Variants in FRAS1 observed in about 807,000 individuals in gnomAD.
FRAS1 encodes extracellular matrix organizing protein FRAS1.
A neutral mutation model predicts 435.2 loss-of-function variants in FRAS1; 290 were observed. The observed-to-expected ratio is 0.67, with a 90% CI of 0.61 to 0.73. The LOEUF (loss-of-function observed/expected upper bound fraction) is 0.73, where lower values mean the gene tolerates loss of function less well. Ranked by LOEUF, FRAS1 falls within the 30% of genes least tolerant of loss-of-function variation. FRAS1 has a pLI of 0.00. For missense variants in FRAS1, 4,860 were observed against 5,001.5 expected (o/e 0.97, Z 0.85); for synonymous variants, 1,800 against 1,851.0 (o/e 0.97, Z 0.71).
At chr4:78,394,807 TTAA>T (rs1732591762) in intron 29 of FRAS1, among the ~76,000 whole-genome samples, 1 of 152,050 alleles carries the variant, frequency 6.6e-6, no homozygotes, top group African/African-American at 2.4e-5. Context: ...TATGGACATT[TTAA>T]TAATATTAAT....
chr4:78,157,434 C>T (rs1172298715), intron 2 of FRAS1, among the ~76,000 whole-genome samples: 1 of 152,160 alleles, frequency 6.6e-6, no homozygotes, highest in Non-Finnish European at 1.5e-5. Flanking sequence ...ATTTACTTTT[C>T]CACCAACAGT....
chr4:78,467,189 CT>C (rs1320910646), intron 50 of FRAS1, among the ~76,000 whole-genome samples: 1 of 152,204 alleles, frequency 6.6e-6, no homozygotes, highest in Middle Eastern at 3.4e-3. Context: ...TTCATTCTAA[CT>C]TTTTTTTCTT....
At position 78,267,297 on chromosome 4, in the gene FRAS1, C is replaced by T. The variant is rs367758763; in HGVS notation, c.846C>T (p.Ala282=). The change falls in exon 9 of 74, where the codon GCC becomes GCT. Residue 282 remains alanine (A), a synonymous_variant. Coordinates refer to ENST00000512123, the MANE Select transcript of FRAS1 (RefSeq NM_025074.7). ...GCTGTGAGGAATGTGTGTCTCCTGC[C>T]GGGAGCTGCTCCTATGATGGAGTTG... ...GQCCEECVSP[A]GSCSYDGVVR... 39 of 1,613,636 alleles carry T rather than the reference C, an allele frequency of 2.4e-5. No homozygotes were observed. Among genetic ancestry groups the T allele is most frequent in the East Asian group, 6.7e-5 (3 of 44,868 alleles).
At chr4:78,445,151 A>C (rs112209231) in intron 41 of FRAS1, among the ~76,000 whole-genome samples, 5 of 152,348 alleles carry the variant, frequency 3.3e-5, no homozygotes, top group African/African-American at 1.2e-4. Context: ...GCTGGAGCTT[A>C]AGGTAGAATC....
chr4:78,165,175 A>G (rs377442485), intron 2 of FRAS1, among the ~76,000 whole-genome samples: 9 of 152,174 alleles, frequency 5.9e-5, no homozygotes, highest in African/African-American at 2.2e-4. Flanking sequence ...TGACCCAGTG[A>G]CCTTTGTTTA....
intron 2 of FRAS1, among the ~76,000 whole-genome samples, chr4:78,069,356 A>T (rs1740220772): frequency 6.6e-6 from 1 of 152,186 alleles, no homozygotes; most frequent in Admixed American, 6.5e-5. Context: ...GAGAGCATGG[A>T]TTTAGGCACT....
intron 2 of FRAS1, among the ~76,000 whole-genome samples, chr4:78,149,889 T>C (rs193052392): frequency 6.5e-4 from 99 of 152,216 alleles, no homozygotes; most frequent in Admixed American, 2.0e-3. Context: ...CCCTTCAACC[T>C]CTTGGCTGTG....
intron 2 of FRAS1, among the ~76,000 whole-genome samples, chr4:78,137,109 C>A (rs1360465927): frequency 6.6e-6 from 1 of 152,214 alleles, no homozygotes; most frequent in Non-Finnish European, 1.5e-5. Context: ...AAGAATCACC[C>A]ACCTGGGTGT....
chr4:78,307,337 C>T (rs562795397), intron 14 of FRAS1, among the ~76,000 whole-genome samples: 2 of 152,358 alleles, frequency 1.3e-5, no homozygotes, highest in East Asian at 1.9e-4. Context: ...GCCCTGCCCC[C>T]AGAGGTGGAG....
intron 58 of FRAS1, among the ~76,000 whole-genome samples, chr4:78,488,058 G>A (rs1476859421): frequency 6.6e-6 from 1 of 152,048 alleles, no homozygotes; most frequent in East Asian, 1.9e-4. Flanking sequence ...GCTTGAACCC[G>A]GGAGGTAGAG....
intron 40 of FRAS1, 38 bp downstream of exon 40, chr4:78,439,102 A>T (rs776494452): frequency 6.5e-7 from 1 of 1,539,810 alleles, no homozygotes; most frequent in Admixed American, 1.9e-5. Context: ...TGAGTACTAT[A>T]GAGAGCTGGA....
At chr4:78,481,775 C>T (rs1159535004) in intron 56 of FRAS1, 29 bp from the exon 57 acceptor site, 2 of 1,611,840 alleles carry the variant, frequency 1.2e-6, no homozygotes, top group Non-Finnish European at 1.7e-6. Flanking sequence ...CAAAGTTGAC[C>T]ATTAAAATCT....
chr4:78,496,348 T>C (rs1175234381), intron 59 of FRAS1, among the ~76,000 whole-genome samples: 1 of 152,208 alleles, frequency 6.6e-6, no homozygotes, highest in Non-Finnish European at 1.5e-5. Context: ...CCTTTCTGAT[T>C]TCTTTATAAG....
chr4:78,407,945 A>G, intron 31 of FRAS1, 104 bp downstream of exon 31: 1 of 975,296 alleles, frequency 1.0e-6, no homozygotes, highest in Non-Finnish European at 1.5e-6. Flanking sequence ...ACAGGAAATC[A>G]CATTTGGGGG....
intron 2 of FRAS1, among the ~76,000 whole-genome samples, chr4:78,077,125 G>T (rs753654422): frequency 1.3e-5 from 2 of 152,138 alleles, no homozygotes; most frequent in Non-Finnish European, 1.5e-5. Context: ...GATGAGGCAG[G>T]AGGACGCTTA....
At chr4:78,531,544 C>T (rs942690579) in intron 70 of FRAS1, among the ~76,000 whole-genome samples, 2 of 152,110 alleles carry the variant, frequency 1.3e-5, no homozygotes, top group African/African-American at 4.8e-5. Flanking sequence ...GAGTTTTTAG[C>T]ATAAAGGGCT....
At chr4:78,416,429 A>G (rs940408396) in intron 32 of FRAS1, among the ~76,000 whole-genome samples, 1 of 151,998 alleles carries the variant, frequency 6.6e-6, no homozygotes, top group Non-Finnish European at 1.5e-5. Context: ...CACTGAAAAA[A>G]TAGTTATGAT....
chr4:78,346,489 C>T (rs1730608983), intron 20 of FRAS1, among the ~76,000 whole-genome samples: 1 of 152,090 alleles, frequency 6.6e-6, no homozygotes, highest in African/African-American at 2.4e-5. Flanking sequence ...CTTCAGAGGG[C>T]ACATATATGA....
At chr4:78,368,904 A>G (rs956270212) in intron 22 of FRAS1, among the ~76,000 whole-genome samples, 1 of 152,150 alleles carries the variant, frequency 6.6e-6, no homozygotes, top group Non-Finnish European at 1.5e-5. Flanking sequence ...ATGGCTGGAA[A>G]TTTTCCAGGA....
Sources: allele counts gnomAD v4.1 joint callset (sites outside exome capture counted in the v4.1 genomes callset), GRCh38; gene constraint gnomAD v4.1.1; transcripts MANE v1.5; gene names NCBI Gene and HGNC (gene_info 2026-07-23, HGNC 2026-07-21).